The following EPHA6 variants were observed in gnomAD, a reference collection of about 807,000 sequenced individuals.
The protein encoded by EPHA6 is EPH receptor A6.
Under a neutral mutation model 112.0 loss-of-function variants are expected in EPHA6, and 50 were observed. The ratio of observed to expected loss-of-function variants is 0.45; its 90% confidence interval spans 0.36 to 0.56. EPHA6 has a LOEUF of 0.56. Among genes scored for constraint, EPHA6 ranks in the 20% least tolerant of loss-of-function variants. The pLI is 0.00. For missense variants in EPHA6, 1,280 were observed against 1,417.4 expected (o/e 0.90, Z 1.56); for synonymous variants, 529 against 490.7 (o/e 1.08, Z -1.03).
chr3:96,929,674 A>C (rs552850332), intron 2 of EPHA6, among the ~76,000 whole-genome samples: 1 of 151,968 alleles, frequency 6.6e-6, no homozygotes, highest in South Asian at 2.1e-4. Flanking sequence ...TTTCATTTCA[A>C]CCTTGAAGAC....
chr3:97,063,668 C>A (rs764170650), intron 3 of EPHA6, among the ~76,000 whole-genome samples: 1 of 152,026 alleles, frequency 6.6e-6, no homozygotes, highest in East Asian at 1.9e-4. Flanking sequence ...ATGAAACAAA[C>A]CTTCACGTTC....
At chr3:97,174,973 G>A (rs923724836) in intron 3 of EPHA6, among the ~76,000 whole-genome samples, 4 of 151,928 alleles carry the variant, frequency 2.6e-5, no homozygotes, top group Admixed American at 2.6e-4. Context: ...TTTTTGCCCA[G>A]ACCAATATCC....
At chr3:97,182,574 G>A (rs2077019009) in intron 3 of EPHA6, among the ~76,000 whole-genome samples, 2 of 152,076 alleles carry the variant, frequency 1.3e-5, no homozygotes, top group South Asian at 4.1e-4. Context: ...TTGTCTTTAA[G>A]GAGGATTAAT....
At chr3:96,866,554 CTT>C (rs2036324770) in intron 1 of EPHA6, among the ~76,000 whole-genome samples, 1 of 151,726 alleles carries the variant, frequency 6.6e-6, no homozygotes, top group South Asian at 2.1e-4. Context: ...ATTAAAAAGA[CTT>C]AATTCTGTTT....
chr3:97,026,421 T>C (rs1426975427), intron 3 of EPHA6, among the ~76,000 whole-genome samples: 1 of 152,196 alleles, frequency 6.6e-6, no homozygotes, highest in Non-Finnish European at 1.5e-5. Context: ...TTGTGTCATC[T>C]CTTATTTCTT....
At chr3:97,610,497 A>G (rs1318129334) in intron 12 of EPHA6, among the ~76,000 whole-genome samples, 1 of 151,684 alleles carries the variant, frequency 6.6e-6, no homozygotes, top group African/African-American at 2.4e-5. Context: ...ACTAGAGGAC[A>G]AAAAGAACAT....
intron 11 of EPHA6, among the ~76,000 whole-genome samples, chr3:97,535,049 G>GACAC (rs3033947): frequency 0.25 from 38,208 of 150,076 alleles, 7,633 homozygotes; most frequent in African/African-American, 0.54. Context: ...CTCAATCACA[G>GACAC]ACACACACAC....
intron 11 of EPHA6, among the ~76,000 whole-genome samples, chr3:97,540,219 A>C (rs915115332): frequency 1.3e-5 from 2 of 152,184 alleles, no homozygotes; most frequent in African/African-American, 4.8e-5. Context: ...AAGAAAATAA[A>C]TTATTCTTGT....
chr3:97,174,758 C>T (rs1465343048), intron 3 of EPHA6, among the ~76,000 whole-genome samples: 3 of 151,648 alleles, frequency 2.0e-5, no homozygotes, highest in Admixed American at 2.0e-4. Context: ...GTTTTTTTCC[C>T]ATAGAGTTGT....
At chr3:97,330,670 G>A (rs2082745918) in intron 5 of EPHA6, among the ~76,000 whole-genome samples, 1 of 152,062 alleles carries the variant, frequency 6.6e-6, no homozygotes, top group Non-Finnish European at 1.5e-5. Flanking sequence ...TAATGGTAAA[G>A]GGATCAATTC....
chr3:97,673,365 G>A (rs1238907376), intron 14 of EPHA6, among the ~76,000 whole-genome samples: 2 of 152,182 alleles, frequency 1.3e-5, no homozygotes, highest in East Asian at 3.9e-4. Context: ...GCAAATTCCT[G>A]ACATAATACA....
chr3:97,371,901 T>G (rs983673574), intron 5 of EPHA6, among the ~76,000 whole-genome samples: 2 of 152,136 alleles, frequency 1.3e-5, no homozygotes, highest in Non-Finnish European at 2.9e-5. Context: ...CTCCCAGGCT[T>G]ATTAGGATGA....
At chr3:97,164,718 G>T (rs947784835) in intron 3 of EPHA6, among the ~76,000 whole-genome samples, 4 of 152,012 alleles carry the variant, frequency 2.6e-5, no homozygotes, top group African/African-American at 9.7e-5. Context: ...TTGGGAGACA[G>T]TCTTTTTTTC....
At chr3:97,175,901 T>C (rs1576621192) in intron 3 of EPHA6, among the ~76,000 whole-genome samples, 1 of 151,920 alleles carries the variant, frequency 6.6e-6, no homozygotes, top group Admixed American at 6.6e-5. Flanking sequence ...TATAACCTTC[T>C]CTTTTCTGAT....
rs145113129 is a variant in EPHA6 at position 97,084,067 on chromosome 3, AGTGTGTGTGTGTGT to A, written c.1114+96090_1114+96103del. On this transcript the variant is annotated intron_variant, in intron 3 of 17. Transcript: ENST00000389672. ...TAGGGGTGGTACATTTATTTCTTAA[AGTGTGTGTGTGTGT>A]GTGTGTGTGTGTGTGCATGGATATA... is the stretch of plus-strand genomic sequence containing the variant. Among the ~76,000 whole-genome samples, 8 of 109,698 alleles carry A rather than the reference AGTGTGTGTGTGTGT, an allele frequency of 7.3e-5. 1 individual carries two copies. In the East Asian group the frequency reaches 2.2e-3, roughly 30 times the overall value. The allele number at this position is 109,698 out of a possible 152,430, so 72.0% of individuals were successfully genotyped here. A position where few individuals can be genotyped will look rare whatever the true frequency, so the allele number is the denominator to read the frequency against.
rs967619830 is a variant in EPHA6 at position 97,526,334 on chromosome 3, T to C, written c.2201-6024T>C. Among the ~76,000 whole-genome samples, 3 of 152,198 alleles carry C rather than the reference T, an allele frequency of 2.0e-5. No homozygotes were observed. The East Asian group carries it at 5.8e-4, about 29-fold the overall frequency. ...GTGGAACAGAGGTTGGCAAAGCGTG[T>C]CAGGGAAACAGACAGGCATGTCTCC... On this transcript the variant is annotated intron_variant, in intron 10 of 17. Transcript: ENST00000389672.
At chr3:97,610,740 C>A in intron 12 of EPHA6, 53 bp from the exon 13 acceptor site, 1 of 1,404,972 alleles carries the variant, frequency 7.1e-7, no homozygotes, top group Non-Finnish European at 1.0e-6. Flanking sequence ...TTAACTGCAG[C>A]ACATATTTCT....
chr3:97,032,256 C>T (rs1050095888), intron 3 of EPHA6, among the ~76,000 whole-genome samples: 11 of 151,902 alleles, frequency 7.2e-5, no homozygotes, highest in African/African-American at 2.4e-4. Context: ...ATGAGAACAA[C>T]TTGGACACAG....
rs147401603 is a variant in EPHA6 at position 97,263,418 on chromosome 3, G to A, written c.1606+19131G>A. The stretch of plus-strand genomic sequence containing the variant: ...ATTTTCATGAATTTTTTTACAAAGC[G>A]CCTTCCAATTAAAGGGATACACACA... On this transcript the variant is annotated intron_variant, in intron 5 of 17. Coordinates refer to ENST00000389672, the MANE Select transcript of EPHA6 (RefSeq NM_001080448.3). Among the ~76,000 whole-genome samples, 567 of 145,968 alleles carry A rather than the reference G, an allele frequency of 3.9e-3. 1 individual carries two copies. Among genetic ancestry groups the A allele is most frequent in the African/African-American group, 0.014 (525 of 37,448 alleles).
Sources: allele counts gnomAD v4.1 joint callset (sites outside exome capture counted in the v4.1 genomes callset), GRCh38; gene constraint gnomAD v4.1.1; transcripts MANE v1.5; gene names NCBI Gene and HGNC (gene_info 2026-07-23, HGNC 2026-07-21).